SPATA6: variants seen among roughly 807,000 people sequenced by gnomAD.
SPATA6 encodes spermatogenesis associated 6.
Under a neutral mutation model 65.3 loss-of-function variants are expected in SPATA6, and 56 were observed. That is an observed-to-expected ratio of 0.86 (90% CI 0.69 to 1.07). The LOEUF (loss-of-function observed/expected upper bound fraction) is 1.07. Among genes scored for constraint, SPATA6 ranks in the 50% least tolerant of loss-of-function variants. The pLI, the probability that SPATA6 is intolerant of heterozygous loss-of-function variation, is 0.00. For missense variants in SPATA6, 590 were observed against 594.8 expected (o/e 0.99, Z 0.08); for synonymous variants, 199 against 213.2 (o/e 0.93, Z 0.58).
intron 9 of SPATA6, among the ~76,000 whole-genome samples, chr1:48,366,405 C>A (rs183129328): frequency 6.6e-6 from 1 of 152,094 alleles, no homozygotes; most frequent in East Asian, 1.9e-4. Context: ...TGGTAGAATT[C>A]GGCTGTGAAT....
At chr1:48,455,849 T>C (rs142648667) in intron 1 of SPATA6, among the ~76,000 whole-genome samples, 3 of 152,316 alleles carry the variant, frequency 2.0e-5, no homozygotes, top group African/African-American at 7.2e-5. Flanking sequence ...ATTGTTTTTT[T>C]CATCTACAAT....
intron 8 of SPATA6, 71 bp downstream of exon 8, chr1:48,395,196 T>G: frequency 8.3e-7 from 1 of 1,212,006 alleles, no homozygotes; most frequent in East Asian, 2.7e-5. Context: ...TTTTGTTAAT[T>G]GATGCCAAAT....
chr1:48,435,016 A>G (rs1166211792), intron 3 of SPATA6, among the ~76,000 whole-genome samples: 1 of 151,072 alleles, frequency 6.6e-6, no homozygotes, highest in Non-Finnish European at 1.5e-5. Context: ...AAATTATAAT[A>G]CATATAGTTA....
the SPATA6 span, among the ~76,000 whole-genome samples, chr1:48,277,396 G>A: frequency 4.2e-4 from 64 of 151,630 alleles, no homozygotes; most frequent in African/African-American, 1.4e-3. Flanking sequence ...CTTGGGAAGC[G>A]CAAGGGGTCA....
chr1:48,425,622 G>A (rs1483838707), intron 3 of SPATA6, among the ~76,000 whole-genome samples: 1 of 152,132 alleles, frequency 6.6e-6, no homozygotes, highest in African/African-American at 2.4e-5. Context: ...ACAGACCCAA[G>A]AAACAGAACA....
intron 11 of SPATA6, 107 bp from the exon 12 acceptor site, chr1:48,305,985 C>G: frequency 1.4e-5 from 11 of 771,888 alleles, no homozygotes; most frequent in Non-Finnish European, 1.6e-5. Flanking sequence ...AATTTTAATT[C>G]ATAAGAAAGG....
At chr1:48,275,433 T>G in the SPATA6 span, among the ~76,000 whole-genome samples, 6 of 152,224 alleles carry the variant, frequency 3.9e-5, no homozygotes, top group African/African-American at 1.4e-4. Flanking sequence ...TGAAAGGGAA[T>G]GATTCCAGCT....
chr1:48,281,439 C>T, the SPATA6 span, among the ~76,000 whole-genome samples: 6 of 152,088 alleles, frequency 3.9e-5, no homozygotes, highest in Admixed American at 1.3e-4. Flanking sequence ...AAAACGCCAT[C>T]GTCTCAGCCC....
the SPATA6 span, among the ~76,000 whole-genome samples, chr1:48,268,216 C>G: frequency 1.3e-5 from 2 of 152,058 alleles, no homozygotes; most frequent in Admixed American, 1.3e-4. Flanking sequence ...CTTCTCTACC[C>G]AGCACTTCTG....
chr1:48,373,321 C>T (rs1327251702), intron 9 of SPATA6, among the ~76,000 whole-genome samples: 5 of 152,286 alleles, frequency 3.3e-5, no homozygotes, highest in Middle Eastern at 3.4e-3. Context: ...GGCAAAATGC[C>T]GCCACTCTCT....
chr1:48,462,369 T>C (rs1026552862), intron 1 of SPATA6, among the ~76,000 whole-genome samples: 1 of 152,022 alleles, frequency 6.6e-6, no homozygotes, highest in Admixed American at 6.6e-5. Flanking sequence ...AAAAATAATA[T>C]GATAGCTAAG....
At position 48,383,453 on chromosome 1, in the gene SPATA6, C is replaced by A. The variant is rs1476747056; in HGVS notation, c.909+1856G>T. Among the ~76,000 whole-genome samples, 66 of 31,506 alleles carry A rather than the reference C, an allele frequency of 2.1e-3. 19 individuals carry two copies. The highest frequency in any genetic ancestry group is 5.0e-3 in the African/African-American group (58 of 11,538). The allele number at this position is 31,506 out of a possible 152,430, so 20.7% of individuals were successfully genotyped here. ...GCAGAGGAGCCCCTCACCTCCCGGA[C>A]GGGGCGGCTGGCCGGCGGGGGGCTG... On this transcript the variant is annotated intron_variant, in intron 9 of 12. Coordinates refer to ENST00000371847, the MANE Select transcript of SPATA6 (RefSeq NM_019073.4).
chr1:48,358,197 A>G (rs892066655), intron 10 of SPATA6, among the ~76,000 whole-genome samples: 1 of 152,122 alleles, frequency 6.6e-6, no homozygotes, highest in African/African-American at 2.4e-5. Flanking sequence ...TCAATCCAGA[A>G]AAGACTGAGG....
chr1:48,275,892 C>T, the SPATA6 span, among the ~76,000 whole-genome samples: 8 of 152,008 alleles, frequency 5.3e-5, no homozygotes, highest in East Asian at 3.9e-4. Flanking sequence ...TGTTTGGAAT[C>T]GTTTCAGAGG....
chr1:48,362,377 A>G (rs1375185278), intron 9 of SPATA6, among the ~76,000 whole-genome samples: 2 of 152,218 alleles, frequency 1.3e-5, no homozygotes, highest in African/African-American at 2.4e-5. Flanking sequence ...ATCAATTTCA[A>G]TGTCAATTGA....
downstream of SPATA6, among the ~76,000 whole-genome samples, chr1:48,292,953 G>T (rs990430436): frequency 2.0e-5 from 3 of 152,162 alleles, no homozygotes; most frequent in Non-Finnish European, 4.4e-5. Context: ...TAGTCAGCTG[G>T]GGTCCATGAA....
intron 6 of SPATA6, among the ~76,000 whole-genome samples, chr1:48,400,073 A>C (rs963704409): frequency 1.3e-4 from 19 of 151,980 alleles, no homozygotes; most frequent in Non-Finnish European, 1.2e-4. Flanking sequence ...TGATTACAAA[A>C]TCTTTAAAGA....
rs148861762 is a variant in SPATA6 at position 48,321,733 on chromosome 1, A to G, written c.1195-15855T>C. Among the ~76,000 whole-genome samples, 1,119 of 152,304 alleles carry G rather than the reference A, an allele frequency of 7.3e-3. 8 individuals carry two copies. Among genetic ancestry groups the G allele is most frequent in the Non-Finnish European group, 0.012 (826 of 68,002 alleles). On this transcript the variant is annotated intron_variant, in intron 11 of 12. Transcript: ENST00000371847. ...CAGAATACAGATTCTTCTCCTCAGC[A>G]CATGGATCATTCTCAAGGGTGAATC...
At chr1:48,281,683 G>T in the SPATA6 span, among the ~76,000 whole-genome samples, 1 of 151,786 alleles carries the variant, frequency 6.6e-6, no homozygotes, top group Non-Finnish European at 1.5e-5. Context: ...TGAAATAAAA[G>T]AGGATACAAA....
Sources: allele counts gnomAD v4.1 joint callset (sites outside exome capture counted in the v4.1 genomes callset), GRCh38; gene constraint gnomAD v4.1.1; transcripts MANE v1.5; gene names NCBI Gene and HGNC (gene_info 2026-07-23, HGNC 2026-07-21).